USP43: variants seen among roughly 807,000 people sequenced by gnomAD.
USP43 encodes the protein ubiquitin carboxyl-terminal hydrolase 43.
A neutral mutation model predicts 90.7 loss-of-function variants in USP43; 33 were observed. That is an observed-to-expected ratio of 0.36 (90% CI 0.28 to 0.49). USP43 has a LOEUF of 0.49. USP43 is among the 20% of genes least tolerant of loss of function. USP43 has a pLI of 0.98. For synonymous variants in USP43, 598 were observed against 615.8 expected (o/e 0.97, Z 0.43); for missense variants, 1,274 against 1,476.4 (o/e 0.86, Z 2.25).
chr17:9,727,827 C>T, intron 14 of USP43, 127 bp from the exon 15 acceptor site: 1 of 1,069,650 alleles, frequency 9.3e-7, no homozygotes, highest in South Asian at 1.7e-5. Context: ...TATGTGGCTT[C>T]TTCACTGCTG....
intron 9 of USP43, 81 bp from the exon 10 acceptor site, chr17:9,700,091 G>A (rs1483049935): frequency 7.5e-7 from 1 of 1,326,094 alleles, no homozygotes; most frequent in East Asian, 2.5e-5. Context: ...TCCTTGGGTT[G>A]TGGGGGAGAC....
At chr17:9,676,504 G>T (rs1037783910) in intron 4 of USP43, among the ~76,000 whole-genome samples, 1 of 152,054 alleles carries the variant, frequency 6.6e-6, no homozygotes, top group Non-Finnish European at 1.5e-5. Flanking sequence ...CAAGTAGCTG[G>T]GATTACAGGC....
At chr17:9,723,928 C>G (rs973136952) in intron 14 of USP43, among the ~76,000 whole-genome samples, 7 of 152,088 alleles carry the variant, frequency 4.6e-5, no homozygotes, top group African/African-American at 1.7e-4. Flanking sequence ...GTTTCTATCT[C>G]TTGGTCAGTC....
chr17:9,721,405 T>C (rs890285233), intron 14 of USP43, among the ~76,000 whole-genome samples: 6 of 152,356 alleles, frequency 3.9e-5, no homozygotes, highest in East Asian at 3.9e-4. Context: ...ACTTTCTTCT[T>C]TGATTTTTGT....
intron 7 of USP43, among the ~76,000 whole-genome samples, chr17:9,685,553 A>C (rs996134087): frequency 6.6e-6 from 1 of 152,220 alleles, no homozygotes; most frequent in African/African-American, 2.4e-5. Context: ...TAATCTGTTT[A>C]CACAGCAGCA....
chr17:9,699,419 C>T (rs1915448129), intron 9 of USP43, among the ~76,000 whole-genome samples: 1 of 152,238 alleles, frequency 6.6e-6, no homozygotes, highest in Non-Finnish European at 1.5e-5. Flanking sequence ...AGCCACAGGA[C>T]TTTGTGCCTT....
intron 12 of USP43, among the ~76,000 whole-genome samples, chr17:9,708,012 G>A (rs1193105438): frequency 6.6e-6 from 1 of 152,240 alleles, no homozygotes; most frequent in African/African-American, 2.4e-5. Flanking sequence ...GCCTCTGCAA[G>A]GATGTCACAT....
chr17:9,700,219 C>A lies in USP43; in HGVS notation c.1505C>A (p.Ala502Glu), dbSNP rs1269171061. 1.2e-6 allele frequency: 2 copies of A among 1,605,216 alleles called. No homozygotes were observed. Among genetic ancestry groups the A allele is most frequent in the Admixed American group, 1.7e-5 (1 of 58,666 alleles). ...GGAGGCCCTCCACATGTCAAGCTGG[C>A]GGTGGAGTGGGATAGCTCTGTCAAG... ...RPGGPPHVKL[A>E]VEWDSSVKER... Residue 502 changes from alanine (A) to glutamate (E), a missense_variant, in exon 10 of 15, where the codon GCG becomes GAG. Transcript: ENST00000285199.
rs747323152 is a variant in USP43 at position 9,701,148 on chromosome 17, C to T, written c.1565C>T (p.Ala522Val). The change falls in exon 11 of 15, where the codon GCG (alanine) becomes GTG (valine). Residue 522 changes from alanine (A) to valine (V), a missense_variant. Ala to Val is a moderately conservative substitution (Grantham distance 64). Around this residue, in one of 6 missense-constraint regions of USP43, gnomAD observed 253 missense variants for 276.0 expected, o/e 0.92. Coordinates refer to ENST00000285199, the MANE Select transcript of USP43 (RefSeq NM_153210.5). This position sits in a 1 kb window ranked among gnomAD's most constrained non-coding sequence, Gnocchi z 7.2. ...TTCGGGAGCCTCCAGGAGGAGCGAG[C>T]GCAGGATGCCGACAGTGTGTGGCAG... ...RLFGSLQEERAQDADSVWQQQ... is the reference protein window; with the variant it reads ...RLFGSLQEERVQDADSVWQQQ... The T allele has an allele frequency of 2.3e-5, 34 of 1,498,650 alleles. No individual in the cohort carries two copies. Among genetic ancestry groups the T allele is most frequent in the South Asian group, 1.1e-4 (8 of 73,212 alleles). The allele number at this position is 1,498,650 out of a possible 1,614,324, so 92.8% of individuals were successfully genotyped here.
intron 8 of USP43, among the ~76,000 whole-genome samples, chr17:9,687,710 G>A (rs1207716930): frequency 6.6e-6 from 1 of 152,162 alleles, no homozygotes; most frequent in Non-Finnish European, 1.5e-5. Context: ...TTATCTCAGA[G>A]ATAATTCCTC....
chr17:9,700,130 A>C, intron 9 of USP43, 42 bp from the exon 10 acceptor site: 2 of 1,530,992 alleles, frequency 1.3e-6, no homozygotes, highest in Non-Finnish European at 1.8e-6. Context: ...TGTGGGAAGG[A>C]GGCCCCGTGT....
intron 14 of USP43, among the ~76,000 whole-genome samples, chr17:9,726,358 C>G (rs1353095241): frequency 6.6e-6 from 1 of 152,166 alleles, no homozygotes; most frequent in Non-Finnish European, 1.5e-5. Flanking sequence ...GAGTTCTGCT[C>G]CCTTTTGGAG....
At chr17:9,704,839 G>A (rs1915787319) in intron 12 of USP43, among the ~76,000 whole-genome samples, 1 of 149,506 alleles carries the variant, frequency 6.7e-6, no homozygotes, top group Non-Finnish European at 1.5e-5. Flanking sequence ...TCTGCTTGCT[G>A]GGCCCTCAAA....
intron 14 of USP43, among the ~76,000 whole-genome samples, chr17:9,719,408 T>C (rs549365412): frequency 8.3e-4 from 126 of 152,230 alleles, no homozygotes; most frequent in Middle Eastern, 6.8e-3. Context: ...GGGGGAGGGA[T>C]GATAACTGTC....
intron 1 of USP43, among the ~76,000 whole-genome samples, chr17:9,648,994 C>CCT (rs1159726050): frequency 6.8e-6 from 1 of 147,078 alleles, no homozygotes; most frequent in Non-Finnish European, 1.5e-5. Flanking sequence ...CCTTCCTTTC[C>CCT]CTCTCTCTCT....
chr17:9,713,130 G>T (rs1278673639), intron 14 of USP43, among the ~76,000 whole-genome samples: 1 of 151,834 alleles, frequency 6.6e-6, no homozygotes, highest in Non-Finnish European at 1.5e-5. Context: ...TCACTCTGTC[G>T]CAGGCTGGAG....
chr17:9,667,052 T>C (rs1312956701), intron 3 of USP43, among the ~76,000 whole-genome samples: 1 of 152,106 alleles, frequency 6.6e-6, no homozygotes, highest in East Asian at 1.9e-4. Flanking sequence ...AAGCAGTCAC[T>C]CTGAAGTTGG....
chr17:9,711,239 A>G (rs2654725), intron 13 of USP43, among the ~76,000 whole-genome samples: 46,219 of 152,022 alleles, frequency 0.3, 8,021 homozygotes, highest in African/African-American at 0.49. Flanking sequence ...TGAACTGTGC[A>G]TGCTGGGGCC....
Position 9,676,795 on chromosome 17 carries a change from C to A in USP43, c.883C>A (p.Arg295=). The change falls in exon 5 of 15, where the codon CGG becomes AGG. Residue 295 remains arginine, a synonymous_variant. Coordinates refer to ENST00000285199, the MANE Select transcript of USP43 (RefSeq NM_153210.5). ...CCCCTCTAAGAGCCAGCGGTTCCTG[C>A]GGGTTGGCCTGGCCGTGCCGATCCT... The part of the protein sequence containing the change: ...VFPSKSQRFL[R]VGLAVPILST... The A allele has an allele frequency of 1.2e-6, 2 of 1,613,862 alleles. No homozygotes were observed. The highest frequency in any genetic ancestry group is 8.5e-7 in the Non-Finnish European group (1 of 1,179,838).
Sources: gnomAD v4.1 joint callset for allele counts (sites outside exome capture counted in the v4.1 genomes callset) on GRCh38, gnomAD v4.1.1 for gene constraint, gnomAD v4.1.1 regional missense constraint, Gnocchi (gnomAD v3.1) non-coding constraint, MANE v1.5 for transcripts, NCBI Gene and HGNC (gene_info 2026-07-23, HGNC 2026-07-21) for gene names.